RASAL2: variants seen among roughly 807,000 people sequenced by gnomAD.
RASAL2 encodes RAS protein activator like 2.
In RASAL2, 58 loss-of-function variants were observed where a neutral mutation model predicts 128.9. The ratio of observed to expected loss-of-function variants is 0.45; its 90% CI spans 0.36 to 0.56. The LOEUF is 0.56. Among genes scored for constraint, RASAL2 ranks in the 20% least tolerant of loss-of-function variants. The pLI is 0.00. For synonymous variants in RASAL2, 561 were observed against 580.8 expected (o/e 0.97, Z 0.49); for missense variants, 1,360 against 1,601.6 (o/e 0.85, Z 2.57).
At chr1:178,401,179 A>G (rs1673603474) in intron 4 of RASAL2, among the ~76,000 whole-genome samples, 2 of 152,226 alleles carry the variant, frequency 1.3e-5, no homozygotes, top group African/African-American at 4.8e-5. Flanking sequence ...TATATGGGTG[A>G]TATTCTTGAT....
In RASAL2 at chr1:178,371,339, CACACACACACACAAAT is replaced by C. The variant is rs921340470; in HGVS notation, c.458-18747_458-18732del. On this transcript the variant is annotated intron_variant, in intron 3 of 17. Coordinates refer to ENST00000367649, the MANE Select transcript of RASAL2 (RefSeq NM_170692.4). ...CTTCTTTCCCACACACACACACACACACACACACACACAAATACACACACACACACACACACACTTC... is the reference window on the plus strand; with the variant it reads ...CTTCTTTCCCACACACACACACACACACACACACACACACACACACACTTC... Among the ~76,000 whole-genome samples the C allele has an allele frequency of 4.4e-4, 61 of 138,144 alleles. No homozygotes were observed. In the South Asian group the frequency reaches 0.011, roughly 24 times the overall value. 90.6% of individuals were successfully genotyped at this position (138,144 alleles called of 152,430 possible).
intron 17 of RASAL2, among the ~76,000 whole-genome samples, chr1:178,468,609 A>G (rs575842485): frequency 1.6e-4 from 24 of 152,342 alleles, no homozygotes; most frequent in Middle Eastern, 6.8e-3. Flanking sequence ...TGAGGATGCA[A>G]TCAGCACTGC....
chr1:178,109,588 G>A (rs770955976), intron 1 of RASAL2, among the ~76,000 whole-genome samples: 6 of 152,184 alleles, frequency 3.9e-5, no homozygotes, highest in Non-Finnish European at 8.8e-5. Flanking sequence ...ACACAAAACT[G>A]TGAATCAGTT....
chr1:178,278,460 G>A (rs1202242542), intron 1 of RASAL2, among the ~76,000 whole-genome samples: 1 of 152,138 alleles, frequency 6.6e-6, no homozygotes, highest in African/African-American at 2.4e-5. Context: ...CTAGCTGCCT[G>A]CCTGACCAGT....
chr1:178,309,288 A>G (rs1185451820), intron 3 of RASAL2, among the ~76,000 whole-genome samples: 1 of 152,192 alleles, frequency 6.6e-6, no homozygotes, highest in East Asian at 1.9e-4. Flanking sequence ...CTGTAAAATA[A>G]GATTATTTGA....
intron 7 of RASAL2, among the ~76,000 whole-genome samples, chr1:178,442,001 G>A (rs1246608582): frequency 1.3e-5 from 2 of 152,096 alleles, no homozygotes; most frequent in African/African-American, 4.8e-5. Flanking sequence ...AAGCGAGAGA[G>A]AGAGTGTGTG....
intron 1 of RASAL2, among the ~76,000 whole-genome samples, chr1:178,173,678 C>T (rs1186633535): frequency 6.6e-6 from 1 of 152,004 alleles, no homozygotes; most frequent in African/African-American, 2.4e-5. Flanking sequence ...GACTAAGATT[C>T]GAGTAGCCTT....
intron 4 of RASAL2, among the ~76,000 whole-genome samples, chr1:178,403,407 G>A (rs1425527619): frequency 6.6e-6 from 1 of 152,148 alleles, no homozygotes; most frequent in African/African-American, 2.4e-5. Flanking sequence ...TGAGCTCAAT[G>A]TGTTTGTTTT....
intron 6 of RASAL2, 141 bp downstream of exon 6, chr1:178,439,716 GA>G: frequency 1.4e-6 from 1 of 728,058 alleles, no homozygotes; most frequent in African/African-American, 1.8e-5. Context: ...TACTTACAGA[GA>G]AAAAGTTAGA....
At chr1:178,181,865 A>G (rs1242767636) in intron 1 of RASAL2, among the ~76,000 whole-genome samples, 2 of 151,836 alleles carry the variant, frequency 1.3e-5, no homozygotes, top group East Asian at 3.9e-4. Flanking sequence ...TCATTACATC[A>G]TGTCAAGGGT....
intron 5 of RASAL2, among the ~76,000 whole-genome samples, chr1:178,424,208 A>G (rs746089743): frequency 4.6e-5 from 7 of 152,062 alleles, no homozygotes; most frequent in East Asian, 1.9e-4. Context: ...GAAATCTTCA[A>G]AGTGTTGTGG....
At chr1:178,365,256 C>T (rs1224443634) in intron 3 of RASAL2, among the ~76,000 whole-genome samples, 3 of 152,100 alleles carry the variant, frequency 2.0e-5, no homozygotes, top group Non-Finnish European at 4.4e-5. Context: ...TTAGTTTCAT[C>T]AGCTCTAATC....
At chr1:178,185,738 C>A (rs998499994) in intron 1 of RASAL2, among the ~76,000 whole-genome samples, 1 of 151,978 alleles carries the variant, frequency 6.6e-6, no homozygotes, top group African/African-American at 2.4e-5. Flanking sequence ...TAGAATCTCA[C>A]TTGGTTATGT....
chr1:178,370,775 A>G (rs573366068), intron 3 of RASAL2, among the ~76,000 whole-genome samples: 53 of 152,272 alleles, frequency 3.5e-4, no homozygotes, highest in Admixed American at 1.0e-3. Context: ...ATTAATATAA[A>G]ACAAGGTCCA....
At chr1:178,332,759 C>G (rs1669391687) in intron 3 of RASAL2, among the ~76,000 whole-genome samples, 3 of 150,656 alleles carry the variant, frequency 2.0e-5, no homozygotes, top group African/African-American at 7.3e-5. Context: ...CTACAGGTGC[C>G]CGCCACCACG....
At chr1:178,222,168 G>A (rs921463838) in intron 1 of RASAL2, among the ~76,000 whole-genome samples, 2 of 151,976 alleles carry the variant, frequency 1.3e-5, no homozygotes. Context: ...GTATAGTTAG[G>A]TTTTGTTTTG....
chr1:178,338,880 A>T (rs1190562222), intron 3 of RASAL2, among the ~76,000 whole-genome samples: 2 of 152,204 alleles, frequency 1.3e-5, no homozygotes, highest in African/African-American at 4.8e-5. Context: ...CCTTTTGAAA[A>T]TTCAGTATAT....
intron 1 of RASAL2, among the ~76,000 whole-genome samples, chr1:178,165,282 C>T (rs1661482536): frequency 6.6e-6 from 1 of 152,118 alleles, no homozygotes; most frequent in Non-Finnish European, 1.5e-5. Context: ...TAGCCCTCTG[C>T]ATCTGTGGAT....
chr1:178,277,898 T>A (rs777402547), intron 1 of RASAL2, among the ~76,000 whole-genome samples: 1 of 152,198 alleles, frequency 6.6e-6, no homozygotes, highest in African/African-American at 2.4e-5. Context: ...AAGCTTTCTC[T>A]GGAAGGCAGT....
Sources: gnomAD v4.1 joint callset for allele counts (sites outside exome capture counted in the v4.1 genomes callset) on GRCh38, gnomAD v4.1.1 for gene constraint, MANE v1.5 for transcripts, NCBI Gene and HGNC (gene_info 2026-07-23, HGNC 2026-07-21) for gene names.